CASTOR2: variants seen among roughly 807,000 people sequenced by gnomAD.
CASTOR2 encodes the protein cytosolic arginine sensor for mTORC1 subunit 2.
In CASTOR2, 8 loss-of-function variants were observed where a neutral mutation model predicts 31.2. The ratio of observed to expected loss-of-function variants is 0.26; its 90% CI spans 0.15 to 0.46. The LOEUF is 0.46. CASTOR2 is among the 20% of genes least tolerant of loss of function. The pLI is 0.99. For synonymous variants in CASTOR2, 162 were observed against 158.7 expected, an observed-to-expected ratio of 1.02 and a Z score of -0.16; for missense variants, 216 against 382.1, an observed-to-expected ratio of 0.57 and a Z score of 3.62.
intron 2 of CASTOR2, among the ~76,000 whole-genome samples, chr7:75,015,441 T>C (rs1804843179): frequency 6.6e-6 from 1 of 151,958 alleles, no homozygotes; most frequent in Non-Finnish European, 1.5e-5. Flanking sequence ...GGCTCATTTA[T>C]TTTTTATTTT....
At chr7:75,023,256 C>T (rs1375741707) in intron 7 of CASTOR2, among the ~76,000 whole-genome samples, 7 of 151,804 alleles carry the variant, frequency 4.6e-5, no homozygotes, top group Non-Finnish European at 8.8e-5. Flanking sequence ...TGCAGCAAGC[C>T]GAGATGGCGC....
In CASTOR2 at chr7:75,027,768, G is replaced by A. The variant is rs1805179309; in HGVS notation, c.*3069G>A. 1.9e-6 allele frequency: 1 copy of A among 523,664 alleles called. No homozygotes were observed. The allele number at this position is 523,664 out of a possible 1,614,324, so 32.4% of individuals were successfully genotyped here. A position where few individuals can be genotyped will look rare whatever the true frequency, so the allele number is the denominator to read the frequency against. On this transcript the variant is annotated 3_prime_UTR_variant, in exon 9 of 9. Transcript: ENST00000616305. Reference sequence around the variant, plus strand: ...GTTTTCCCATCCCCATCCTGCTCGTGTAAAGCTTGGTTTATCTTCTCGGCG... The same window carrying A: ...GTTTTCCCATCCCCATCCTGCTCGTATAAAGCTTGGTTTATCTTCTCGGCG...
At chr7:75,009,452 T>C (rs1804683659) in intron 2 of CASTOR2, among the ~76,000 whole-genome samples, 1 of 151,128 alleles carries the variant, frequency 6.6e-6, no homozygotes, top group South Asian at 2.1e-4. Flanking sequence ...TATTTTTTAG[T>C]AGAGATGGGG....
intron 1 of CASTOR2, among the ~76,000 whole-genome samples, chr7:75,000,965 C>A (rs1265801865): frequency 2.0e-5 from 3 of 152,148 alleles, no homozygotes; most frequent in Admixed American, 6.6e-5. Flanking sequence ...ACCCGGCAGG[C>A]CAGGCCGTTA....
chr7:75,017,577 GC>G lies in CASTOR2; in HGVS notation c.185-19del, dbSNP rs2131953884. The G allele has an allele frequency of 6.2e-7, 1 of 1,612,546 alleles. No individual in the cohort carries two copies. Among genetic ancestry groups the G allele is most frequent in the African/African-American group, 1.3e-5 (1 of 75,032 alleles). ...CTGGAACCTCAGCAGTCACAGGACT[GC>G]CTTCTGTGTCTCCCTCCAGAGCTGC... On this transcript the variant is annotated intron_variant, in intron 2 of 8. Coordinates refer to ENST00000616305, the MANE Select transcript of CASTOR2 (RefSeq NM_001145064.3).
At chr7:75,019,266 C>T (rs1804936949) in intron 5 of CASTOR2, among the ~76,000 whole-genome samples, 171 bp downstream of exon 5, 1 of 152,076 alleles carries the variant, frequency 6.6e-6, no homozygotes, top group Admixed American at 6.6e-5. Context: ...CACCCTGGAA[C>T]TAGTCTGAGG....
chr7:74,972,641 A>G (rs1444042785), intron 1 of CASTOR2, among the ~76,000 whole-genome samples: 7 of 150,174 alleles, frequency 4.7e-5, no homozygotes, highest in African/African-American at 1.2e-4. Context: ...AAATCTTGCA[A>G]ACGAGCCATG....
intron 1 of CASTOR2, among the ~76,000 whole-genome samples, chr7:74,986,728 G>A (rs1456325298): frequency 1.3e-5 from 2 of 152,194 alleles, no homozygotes; most frequent in Admixed American, 6.6e-5. Context: ...TGCACACCAC[G>A]TATGTCTGGA....
At chr7:75,011,756 A>G (rs1804754220) in intron 2 of CASTOR2, among the ~76,000 whole-genome samples, 1 of 149,448 alleles carries the variant, frequency 6.7e-6, no homozygotes, top group East Asian at 2.0e-4. Context: ...ACCAAAAAAA[A>G]AAGGAGTTCG....
chr7:75,030,026 A>C lies in CASTOR2; in HGVS notation c.*5327A>C, dbSNP rs2131964913. Among the ~76,000 whole-genome samples the C allele has an allele frequency of 6.6e-6, 1 of 152,326 alleles. No individual in the cohort carries two copies. The highest frequency in any genetic ancestry group is 1.9e-4 in the East Asian group (1 of 5,184). On this transcript the variant is annotated 3_prime_UTR_variant, in exon 9 of 9. Transcript: ENST00000616305. ...ATAACGAAAGAGGCCCCAGGGAAGG[A>C]AGCCAGCCAGGAGCAGCCTGGAGCA...
intron 1 of CASTOR2, among the ~76,000 whole-genome samples, chr7:74,997,139 G>A (rs1342220554): frequency 0.013 from 1,962 of 151,264 alleles, 19 homozygotes; most frequent in Middle Eastern, 0.072. Flanking sequence ...CTGCAGCCTC[G>A]ACCTCCTGGG....
chr7:74,999,305 C>T (rs1184293024), intron 1 of CASTOR2, among the ~76,000 whole-genome samples: 4 of 152,242 alleles, frequency 2.6e-5, no homozygotes, highest in East Asian at 1.9e-4. Context: ...CCACCGCGCC[C>T]GACCTTATTT....
intron 1 of CASTOR2, among the ~76,000 whole-genome samples, chr7:74,985,608 A>AAAAG (rs1415315389): frequency 3.3e-5 from 5 of 150,050 alleles, no homozygotes; most frequent in Non-Finnish European, 7.4e-5. Flanking sequence ...AAAAAAAAAA[A>AAAAG]GAATCATTGT....
intron 1 of CASTOR2, among the ~76,000 whole-genome samples, chr7:74,998,856 G>T (rs1584468721): frequency 6.6e-6 from 1 of 152,070 alleles, no homozygotes; most frequent in Non-Finnish European, 1.5e-5. Flanking sequence ...CCAGATCTTT[G>T]TGATTTCTTC....
rs943222252 is a variant in CASTOR2 at position 75,025,600 on chromosome 7, C to T, written c.*901C>T. ...ACTAGACCAGCATAGGACTCCCCGC[C>T]GTCCTCCTCCCTCCTCTGCCCCCAA... On this transcript the variant is annotated 3_prime_UTR_variant, in exon 9 of 9. Transcript: ENST00000616305. Among the ~76,000 whole-genome samples, 5 of 152,266 alleles carry T rather than the reference C, an allele frequency of 3.3e-5. No homozygotes were observed. The highest frequency in any genetic ancestry group is 5.9e-5 in the Non-Finnish European group (4 of 68,050).
intron 1 of CASTOR2, among the ~76,000 whole-genome samples, chr7:74,973,462 T>C (rs1303040126): frequency 9.9e-6 from 1 of 100,618 alleles, no homozygotes; most frequent in Non-Finnish European, 2.0e-5. Flanking sequence ...TGCTTTAGTC[T>C]CCCAAGTAGC....
rs587617013 is a variant in CASTOR2, at chr7:75,011,727, CAAAA to C, written c.184+3679_184+3682del. ...TCCAGCCTGGGCAACAGAGCTGTCT[CAAAA>C]AAAAAAAAAAAAAAACCAAAAAAAA... On this transcript the variant is annotated intron_variant, in intron 2 of 8. Transcript: ENST00000616305. Among the ~76,000 whole-genome samples, 17 of 44,566 alleles carry C rather than the reference CAAAA, an allele frequency of 3.8e-4. No individual in the cohort carries two copies. The South Asian group carries it at 4.8e-3, about 13-fold the overall frequency. 29.2% of individuals were successfully genotyped at this position (44,566 alleles called of 152,430 possible). A position where few individuals can be genotyped will look rare whatever the true frequency, so the allele number is the denominator to read the frequency against.
chr7:75,019,915 G>A lies in CASTOR2; in HGVS notation c.636-124G>A, dbSNP rs1043284957. 299 of 793,792 alleles carry A rather than the reference G, an allele frequency of 3.8e-4. 1 individual carries two copies. In the African/African-American group the frequency reaches 3.9e-3, roughly 10 times the overall value. The allele number at this position is 793,792 out of a possible 1,614,324, so 49.2% of individuals were successfully genotyped here. On this transcript the variant is annotated intron_variant, in intron 5 of 8. Coordinates refer to ENST00000616305, the MANE Select transcript of CASTOR2 (RefSeq NM_001145064.3). The stretch of plus-strand genomic sequence containing the variant: ...CGTGGCATAGCGAGCAGGATGAGAA[G>A]GACACTGGCCCAGGGTCACCCAGGT...
chr7:74,993,213 AAAAG>A (rs1176219051), intron 1 of CASTOR2, among the ~76,000 whole-genome samples: 13 of 152,044 alleles, frequency 8.6e-5, no homozygotes, highest in Non-Finnish European at 1.8e-4. Context: ...GAGAAAAAGA[AAAAG>A]GAAGGCACAT....
Sources: gnomAD v4.1 joint callset for allele counts (sites outside exome capture counted in the v4.1 genomes callset) on GRCh38, gnomAD v4.1.1 for gene constraint, MANE v1.5 for transcripts, NCBI Gene and HGNC (gene_info 2026-07-23, HGNC 2026-07-21) for gene names.